Variants in SCGB2B2 observed in about 807,000 individuals in gnomAD.
The protein encoded by SCGB2B2 is secretoglobin-like protein.
SCGB2B2 carries 11 observed loss-of-function variants against 7.6 expected under a neutral mutation model. That is an observed-to-expected ratio of 1.45 (90% CI 0.91 to 2.40). The LOEUF (loss-of-function observed/expected upper bound fraction) is 2.40. SCGB2B2 is among the 30% of genes most tolerant of loss of function. The probability of loss-of-function intolerance (pLI) is 0.00; values close to 1 mark genes in which losing one functional copy is unlikely to be tolerated. For missense variants in SCGB2B2, 104 were observed against 115.4 expected (o/e 0.90, Z 0.45); for synonymous variants, 50 against 48.6 (o/e 1.03, Z -0.12).
chr19:34,622,032 G>C (rs1215162988), intron 1 of SCGB2B2, among the ~76,000 whole-genome samples: 1 of 152,188 alleles, frequency 6.6e-6, no homozygotes, highest in African/African-American at 2.4e-5. Flanking sequence ...TTAGAAGACA[G>C]CAGTTCTGCC....
chr19:34,641,268 C>T (rs1482566308), intron 1 of SCGB2B2, among the ~76,000 whole-genome samples: 1 of 152,150 alleles, frequency 6.6e-6, no homozygotes, highest in Non-Finnish European at 1.5e-5. Flanking sequence ...CCTGTCAAAT[C>T]TTAAATGTGT....
chr19:34,649,577 G>T (rs2067110643), intron 1 of SCGB2B2, among the ~76,000 whole-genome samples: 1 of 152,148 alleles, frequency 6.6e-6, no homozygotes. Context: ...GGCCAGGTGT[G>T]GTTGCTTATG....
At chr19:34,611,447 C>T (rs1481587248) in intron 1 of SCGB2B2, among the ~76,000 whole-genome samples, 1 of 151,814 alleles carries the variant, frequency 6.6e-6, no homozygotes, top group Non-Finnish European at 1.5e-5. Flanking sequence ...GATGTGAGTA[C>T]TTACTATTAA....
At chr19:34,664,960 C>T (rs2067572543) in intron 1 of SCGB2B2, among the ~76,000 whole-genome samples, 1 of 152,222 alleles carries the variant, frequency 6.6e-6, no homozygotes, top group Non-Finnish European at 1.5e-5. Context: ...CCACTGACCC[C>T]AGGGCACCTC....
chr19:34,663,711 T>C (rs2067528028), intron 1 of SCGB2B2, among the ~76,000 whole-genome samples: 1 of 152,122 alleles, frequency 6.6e-6, no homozygotes, highest in African/African-American at 2.4e-5. Flanking sequence ...AGTCTGTATT[T>C]GTGTCATATG....
intron 1 of SCGB2B2, among the ~76,000 whole-genome samples, chr19:34,650,721 T>C (rs2067141007): frequency 6.6e-6 from 1 of 151,268 alleles, no homozygotes; most frequent in South Asian, 2.1e-4. Context: ...TCCTGAAAAT[T>C]GAAGAGTACG....
chr19:34,654,283 T>C (rs2067231298), intron 1 of SCGB2B2, among the ~76,000 whole-genome samples: 1 of 151,222 alleles, frequency 6.6e-6, no homozygotes, highest in Non-Finnish European at 1.5e-5. Flanking sequence ...AAGAAACATT[T>C]AGTTAATACT....
chr19:34,636,021 A>C (rs1258671232), intron 1 of SCGB2B2, among the ~76,000 whole-genome samples: 1 of 152,188 alleles, frequency 6.6e-6, no homozygotes, highest in Non-Finnish European at 1.5e-5. Flanking sequence ...ATTGGACCAC[A>C]AATCCCACAA....
At chr19:34,597,173 G>A (rs1239537292) in intron 1 of SCGB2B2, among the ~76,000 whole-genome samples, 1 of 151,944 alleles carries the variant, frequency 6.6e-6, no homozygotes, top group African/African-American at 2.4e-5. Context: ...CCACATGTGG[G>A]TCCTCAAGTG....
In SCGB2B2 at chr19:34,608,694, TC is replaced by T. The variant is rs2065850871; in HGVS notation, c.-2031-12101del. The T allele has an allele frequency of 3.4e-5, 5 of 145,576 alleles. No homozygotes were observed. In the Admixed American group the frequency reaches 3.4e-4, roughly 10 times the overall value. 9.0% of individuals were successfully genotyped at this position (145,576 alleles called of 1,614,324 possible). On this transcript the variant is annotated intron_variant, in intron 1 of 3. Coordinates refer to ENST00000601241, the MANE Select transcript of SCGB2B2 (RefSeq NM_001025591.4). ...ATATATATATATATATACCGTATTT[TC>T]TTCATCTTTTCACTTGTTGATGGAC...
chr19:34,631,882 CAT>C (rs2145952890), intron 1 of SCGB2B2: 1 of 152,148 alleles, frequency 6.6e-6, no homozygotes, highest in African/African-American at 2.4e-5. Flanking sequence ...GATTTAAAGA[CAT>C]AGTGTAAAAT....
At chr19:34,610,552 G>A in intron 1 of SCGB2B2, among the ~76,000 whole-genome samples, 1 of 152,032 alleles carries the variant, frequency 6.6e-6, no homozygotes, top group Admixed American at 6.5e-5. Flanking sequence ...CATTTTCTGT[G>A]TCTATTTATA....
rs4806032 is a variant in SCGB2B2 at position 34,631,125 on chromosome 19, G to A, written c.-2031-34531C>T. On this transcript the variant is annotated intron_variant, in intron 1 of 3. Transcript: ENST00000601241. ...ACCGGGGCCTGTTGTGGGGTGGGGGGAGGGGGGAGGGATGGCATTAGTAGA... is the reference window on the plus strand; with the variant it reads ...ACCGGGGCCTGTTGTGGGGTGGGGGAAGGGGGGAGGGATGGCATTAGTAGA... Among the ~76,000 whole-genome samples the A allele has an allele frequency of 6.5e-5, 7 of 107,588 alleles. No individual in the cohort carries two copies. The East Asian group carries it at 1.7e-3, about 26-fold the overall frequency. 70.6% of individuals were successfully genotyped at this position (107,588 alleles called of 152,430 possible).
intron 1 of SCGB2B2, among the ~76,000 whole-genome samples, chr19:34,630,175 G>T (rs2066489878): frequency 1.3e-5 from 2 of 151,814 alleles, no homozygotes; most frequent in Admixed American, 6.6e-5. Context: ...AGAAAACCTA[G>T]GCAGTACCAT....
At position 34,591,085 on chromosome 19, in the gene SCGB2B2, T is replaced by A. The variant is rs2065286169; in HGVS notation, c.*2470A>T. On this transcript the variant is annotated 3_prime_UTR_variant, in exon 4 of 4. Coordinates refer to ENST00000601241, the MANE Select transcript of SCGB2B2 (RefSeq NM_001025591.4). ...TTCCATTGAAATGCTGAAATTTACA[T>A]GTTTTTGTCTCCAGGCCCAACTATT... Among the ~76,000 whole-genome samples the A allele has an allele frequency of 6.6e-6, 1 of 152,212 alleles. No homozygotes were observed. The highest frequency in any genetic ancestry group is 1.5e-5 in the Non-Finnish European group (1 of 68,044).
In SCGB2B2 at chr19:34,624,621, T is replaced by A. The variant is rs1047987543; in HGVS notation, c.-2031-28027A>T. Among the ~76,000 whole-genome samples, 3 of 152,034 alleles carry A rather than the reference T, an allele frequency of 2.0e-5. No homozygotes were observed. The East Asian group carries it at 5.8e-4, about 29-fold the overall frequency. On this transcript the variant is annotated intron_variant, in intron 1 of 3. Transcript: ENST00000601241. ...AAAGGAAGAAAATGTGATAGGAAAG[T>A]CTGGAAGTCCTGGTGGGCTGTTGGG...
intron 1 of SCGB2B2, among the ~76,000 whole-genome samples, chr19:34,662,745 A>G (rs565381667): frequency 6.6e-6 from 1 of 152,268 alleles, no homozygotes; most frequent in South Asian, 2.1e-4. Context: ...CAGCCTGGGC[A>G]ACATGGTGAA....
intron 1 of SCGB2B2, among the ~76,000 whole-genome samples, chr19:34,657,813 G>T (rs560312662): frequency 1.3e-5 from 2 of 152,052 alleles, no homozygotes; most frequent in East Asian, 3.9e-4. Context: ...GCACCACATC[G>T]CACTTATTCT....
At chr19:34,667,783 C>G (rs540119542) in intron 1 of SCGB2B2, among the ~76,000 whole-genome samples, 4 of 151,884 alleles carry the variant, frequency 2.6e-5, no homozygotes, top group African/African-American at 9.7e-5. Flanking sequence ...TGGGGGGAGC[C>G]CACCCTGACA....
Sources: allele counts gnomAD v4.1 joint callset (sites outside exome capture counted in the v4.1 genomes callset), GRCh38; gene constraint gnomAD v4.1.1; transcripts MANE v1.5; gene names NCBI Gene and HGNC (gene_info 2026-07-23, HGNC 2026-07-21).